FUT8: variants seen among roughly 807,000 people sequenced by gnomAD.
The protein encoded by FUT8 is fucosyltransferase 8.
In FUT8, 29 loss-of-function variants were observed where a neutral mutation model predicts 71.3. The ratio of observed to expected loss-of-function variants is 0.41; its 90% CI spans 0.30 to 0.55. The LOEUF is 0.55. Among genes scored for constraint, FUT8 ranks in the 20% least tolerant of loss-of-function variants. The probability of loss-of-function intolerance (pLI) is 0.34; values close to 1 mark genes in which losing one functional copy is unlikely to be tolerated. For synonymous variants in FUT8, 254 were observed against 239.3 expected (o/e 1.06, Z -0.57); for missense variants, 544 against 702.1 (o/e 0.77, Z 2.55).
intron 2 of FUT8, among the ~76,000 whole-genome samples, chr14:65,560,008 T>G (rs1053825943): frequency 4.6e-5 from 7 of 152,150 alleles, no homozygotes; most frequent in African/African-American, 1.7e-4. Context: ...AACATTAAGG[T>G]AAATGTTGTA....
At chr14:65,571,082 G>T (rs1228097583) in intron 3 of FUT8, among the ~76,000 whole-genome samples, 1 of 152,060 alleles carries the variant, frequency 6.6e-6, no homozygotes, top group Non-Finnish European at 1.5e-5. Flanking sequence ...TTCTGAATCT[G>T]CTGTGATTCT....
intron 2 of FUT8, among the ~76,000 whole-genome samples, chr14:65,465,908 G>T (rs2139605512): frequency 6.6e-6 from 1 of 152,254 alleles, no homozygotes; most frequent in African/African-American, 2.4e-5. Context: ...TCTCCTTGTA[G>T]TTCTATCAGT....
At chr14:65,404,065 G>A in the FUT8 span, among the ~76,000 whole-genome samples, 1 of 151,444 alleles carries the variant, frequency 6.6e-6, no homozygotes, top group Non-Finnish European at 1.5e-5. Flanking sequence ...AGGGTTTCAC[G>A]ATGTTGGTCA....
intron 2 of FUT8, among the ~76,000 whole-genome samples, chr14:65,486,603 C>T (rs2066412608): frequency 6.6e-6 from 1 of 152,156 alleles, no homozygotes; most frequent in Admixed American, 6.5e-5. Flanking sequence ...GCATTTGTTT[C>T]TTATAGATGG....
rs575095622 is a variant in FUT8 at position 65,423,572 on chromosome 14, A to C, written c.-326+10358A>C. Among the ~76,000 whole-genome samples the C allele has an allele frequency of 5.9e-5, 9 of 152,140 alleles. No homozygotes were observed. The South Asian group carries it at 8.3e-4, about 14-fold the overall frequency. ...CCACCGCGCCCGGCCTAAGTGAATG[A>C]TTTTCTTAATGTCATCTGGAAAGTC... is the stretch of plus-strand genomic sequence containing the variant. On this transcript the variant is annotated intron_variant, in intron 1 of 10. Coordinates refer to ENST00000673929, the MANE Select transcript of FUT8 (RefSeq NM_001371533.1).
intron 7 of FUT8, among the ~76,000 whole-genome samples, chr14:65,691,916 G>C (rs1342234028): frequency 1.4e-4 from 21 of 152,192 alleles, no homozygotes; most frequent in Admixed American, 1.4e-3. Flanking sequence ...ACTGGGTTGG[G>C]GGTAAGGTCA....
chr14:65,472,572 AAAC>A lies in FUT8; in HGVS notation c.-228+16858_-228+16860del, dbSNP rs1323910121. 6.6e-6 allele frequency among the ~76,000 whole-genome samples: 1 copy of A among 152,216 alleles called. No homozygotes were observed. The highest frequency in any genetic ancestry group is 2.4e-5 in the African/African-American group (1 of 41,448). ...TTATATTCTTATACTGTAAAAAAAAAAACAACTTTATTTTTATAGCCTTTTTGG... is the reference window on the plus strand; with the variant it reads ...TTATATTCTTATACTGTAAAAAAAAAAACTTTATTTTTATAGCCTTTTTGG... On this transcript the variant is annotated intron_variant, in intron 2 of 10. Coordinates refer to ENST00000673929, the MANE Select transcript of FUT8 (RefSeq NM_001371533.1). This position sits in a 1 kb window ranked among gnomAD's most constrained non-coding sequence, Gnocchi z 4.4.
Position 65,694,019 on chromosome 14 carries a change from G to A in FUT8, c.835+24539G>A, listed in dbSNP as rs570995058. 1.0e-4 allele frequency among the ~76,000 whole-genome samples: 14 copies of A among 140,326 alleles called. No homozygotes were observed. The East Asian group carries it at 2.6e-3, about 26-fold the overall frequency. The allele number at this position is 140,326 out of a possible 152,430, so 92.1% of individuals were successfully genotyped here. A position where few individuals can be genotyped will look rare whatever the true frequency, so the allele number is the denominator to read the frequency against. On this transcript the variant is annotated intron_variant, in intron 7 of 10. Coordinates refer to ENST00000673929, the MANE Select transcript of FUT8 (RefSeq NM_001371533.1). ...CCTTTATTATCGTTTTAACGTCCAC[G>A]TGATTAGTTGTTGTGGCCTGTCTTT...
intron 2 of FUT8, among the ~76,000 whole-genome samples, chr14:65,553,890 T>G (rs962756408): frequency 1.3e-5 from 2 of 152,056 alleles, no homozygotes; most frequent in Admixed American, 6.6e-5. Context: ...TACATTTTAA[T>G]TTTGCCCTAC....
At chr14:65,647,073 A>T (rs1891155684) in intron 6 of FUT8, among the ~76,000 whole-genome samples, 2 of 152,088 alleles carry the variant, frequency 1.3e-5, no homozygotes, top group South Asian at 4.1e-4. Flanking sequence ...CACTTGAAAA[A>T]CTTCTCTGTG....
intron 9 of FUT8, among the ~76,000 whole-genome samples, chr14:65,729,072 C>T (rs1274623041): frequency 8.0e-6 from 1 of 125,428 alleles, no homozygotes; most frequent in African/African-American, 3.2e-5. Flanking sequence ...GTCACCCAGG[C>T]TGGAATGCGT....
chr14:65,716,862 AGAGGCGCTCCTCACCTCCCAGACGGGGCG>A (rs1895095190), intron 7 of FUT8, among the ~76,000 whole-genome samples: 1 of 144,560 alleles, frequency 6.9e-6, no homozygotes, highest in African/African-American at 2.5e-5. Context: ...GCGGCCGGGC[AGAGGCGCTCCTCACCTCCCAGACGGGGCG>A]GCCGGGCAGA....
intron 7 of FUT8, among the ~76,000 whole-genome samples, chr14:65,693,218 T>C (rs866318722): frequency 6.6e-5 from 10 of 152,126 alleles, no homozygotes; most frequent in East Asian, 1.9e-4. Flanking sequence ...CTGGGCACCA[T>C]TGAGCACTGA....
intron 3 of FUT8, 152 bp downstream of exon 3, chr14:65,561,918 T>G: frequency 1.4e-6 from 1 of 699,932 alleles, no homozygotes; most frequent in Non-Finnish European, 2.4e-6. Context: ...CTCTGTGTAT[T>G]TAATACAGAA....
At chr14:65,478,856 A>G (rs965390077) in intron 2 of FUT8, among the ~76,000 whole-genome samples, 1 of 152,182 alleles carries the variant, frequency 6.6e-6, no homozygotes, top group Non-Finnish European at 1.5e-5. Flanking sequence ...AGTGCTGCCT[A>G]ATTGATGAAT....
intron 1 of FUT8, among the ~76,000 whole-genome samples, chr14:65,439,993 T>TATATATAC (rs1555361023): frequency 2.2e-5 from 3 of 138,166 alleles, no homozygotes; most frequent in African/African-American, 7.9e-5. Flanking sequence ...TATATATATG[T>TATATATAC]ACACACACAC....
At chr14:65,432,489 C>G (rs1021985773) in intron 1 of FUT8, among the ~76,000 whole-genome samples, 1 of 151,120 alleles carries the variant, frequency 6.6e-6, no homozygotes, top group Non-Finnish European at 1.5e-5. Context: ...ATTCGCTTGT[C>G]AAACTATCAG....
chr14:65,491,970 A>AT (rs2066488664), intron 2 of FUT8, among the ~76,000 whole-genome samples: 1 of 152,118 alleles, frequency 6.6e-6, no homozygotes, highest in Admixed American at 6.6e-5. Flanking sequence ...TAAAGTTCTG[A>AT]TTTTGTCACT....
chr14:65,659,006 G>C (rs1346163699), intron 6 of FUT8, among the ~76,000 whole-genome samples: 1 of 152,038 alleles, frequency 6.6e-6, no homozygotes, highest in African/African-American at 2.4e-5. Flanking sequence ...AAGGTACGCT[G>C]TAAGTATAGT....
Sources: allele counts gnomAD v4.1 joint callset (sites outside exome capture counted in the v4.1 genomes callset), GRCh38; gene constraint gnomAD v4.1.1; non-coding constraint Gnocchi (gnomAD v3.1); transcripts MANE v1.5; gene names NCBI Gene and HGNC (gene_info 2026-07-23, HGNC 2026-07-21).